CTNND2: variants seen among roughly 807,000 people sequenced by gnomAD.
The protein encoded by CTNND2 is catenin delta-2.
CTNND2 carries 22 observed loss-of-function variants against 144.4 expected under a neutral mutation model. The ratio of observed to expected loss-of-function variants is 0.15; its 90% CI spans 0.11 to 0.22. CTNND2 has a LOEUF of 0.22. CTNND2 is among the 10% of genes least tolerant of loss of function. The pLI, the probability that CTNND2 is intolerant of heterozygous loss-of-function variation, is 1.00. For synonymous variants in CTNND2, 751 were observed against 695.6 expected (o/e 1.08, Z -1.25); for missense variants, 1,353 against 1,618.8 (o/e 0.84, Z 2.82).
chr5:11,078,237 A>G (rs760315473), intron 16 of CTNND2, among the ~76,000 whole-genome samples: 8 of 152,232 alleles, frequency 5.3e-5, no homozygotes, highest in African/African-American at 1.9e-4. Flanking sequence ...TTCTGTGTAT[A>G]AAGTTCTGTA....
At chr5:11,232,110 G>A (rs1741091438) in intron 10 of CTNND2, among the ~76,000 whole-genome samples, 1 of 152,266 alleles carries the variant, frequency 6.6e-6, no homozygotes, top group Admixed American at 6.5e-5. Flanking sequence ...CAGGATGTGT[G>A]GAAACACCCT....
chr5:11,608,300 C>A (rs1340116585), intron 2 of CTNND2, among the ~76,000 whole-genome samples: 1 of 152,186 alleles, frequency 6.6e-6, no homozygotes, highest in Non-Finnish European at 1.5e-5. Context: ...ATCTCCAACT[C>A]TGCCCTCCCC....
chr5:11,134,149 G>T (rs970508978), intron 12 of CTNND2, among the ~76,000 whole-genome samples: 1 of 152,178 alleles, frequency 6.6e-6, no homozygotes, highest in South Asian at 2.1e-4. Flanking sequence ...GAGAAAGGGG[G>T]AAAGATAGAG....
chr5:11,119,313 A>AT (rs1476538941), intron 12 of CTNND2, among the ~76,000 whole-genome samples: 2 of 152,262 alleles, frequency 1.3e-5, no homozygotes, highest in South Asian at 4.1e-4. Context: ...TATCAGCAGC[A>AT]TTTTTGTGTA....
intron 3 of CTNND2, among the ~76,000 whole-genome samples, chr5:11,460,711 A>G (rs1483918384): frequency 1.3e-5 from 2 of 152,072 alleles, no homozygotes; most frequent in Non-Finnish European, 2.9e-5. Context: ...TTCTCCCTGG[A>G]GTGCTCTGCT....
At chr5:10,984,215 C>T (rs1313308290) in intron 20 of CTNND2, among the ~76,000 whole-genome samples, 1 of 152,188 alleles carries the variant, frequency 6.6e-6, no homozygotes, top group Non-Finnish European at 1.5e-5. Flanking sequence ...AACAGTCTGT[C>T]CTGCTGCTAC....
intron 3 of CTNND2, among the ~76,000 whole-genome samples, chr5:11,555,378 G>A (rs1776135851): frequency 6.6e-6 from 1 of 152,110 alleles, no homozygotes; most frequent in Non-Finnish European, 1.5e-5. Context: ...ATATAGACAT[G>A]GCTCAGTAGA....
intron 10 of CTNND2, among the ~76,000 whole-genome samples, chr5:11,230,348 C>T (rs1306928434): frequency 9.5e-6 from 1 of 105,368 alleles, no homozygotes; most frequent in African/African-American, 4.0e-5. Flanking sequence ...GCACATGTAC[C>T]CTAAAACTTA....
chr5:11,866,456 T>C (rs962789257), intron 1 of CTNND2, among the ~76,000 whole-genome samples: 2 of 152,326 alleles, frequency 1.3e-5, no homozygotes, highest in Admixed American at 1.3e-4. Context: ...CTGAGCAGGA[T>C]GTTCAAATCT....
chr5:11,510,218 AG>A (rs1268166695), intron 3 of CTNND2, among the ~76,000 whole-genome samples: 23 of 152,310 alleles, frequency 1.5e-4, no homozygotes, highest in African/African-American at 5.5e-4. Flanking sequence ...TTGGGATTAC[AG>A]GAATGAGCCA....
chr5:11,028,046 C>T (rs1743045375), intron 16 of CTNND2, among the ~76,000 whole-genome samples: 1 of 152,330 alleles, frequency 6.6e-6, no homozygotes, highest in East Asian at 1.9e-4. Flanking sequence ...TAAAGACCTG[C>T]ATTCTCTAAG....
intron 21 of CTNND2, among the ~76,000 whole-genome samples, chr5:10,974,385 T>C (rs1329178437): frequency 3.3e-5 from 5 of 152,218 alleles, no homozygotes; most frequent in African/African-American, 9.6e-5. Context: ...ACCCCCATGA[T>C]TGTATATATA....
chr5:11,341,786 T>C (rs1273513123), intron 9 of CTNND2, among the ~76,000 whole-genome samples: 2 of 152,134 alleles, frequency 1.3e-5, no homozygotes, highest in African/African-American at 4.8e-5. Context: ...GGCAGGAGGA[T>C]CACTTGAGTC....
chr5:11,227,546 T>C (rs138151982), intron 10 of CTNND2, among the ~76,000 whole-genome samples: 1 of 152,190 alleles, frequency 6.6e-6, no homozygotes, highest in Admixed American at 6.5e-5. Flanking sequence ...ACTGAAAAGA[T>C]GAATAGCACA....
intron 3 of CTNND2, among the ~76,000 whole-genome samples, chr5:11,414,011 C>A (rs1168026419): frequency 4.6e-5 from 7 of 152,110 alleles, no homozygotes; most frequent in Admixed American, 4.6e-4. Flanking sequence ...AGTTAATAAT[C>A]TTCAGATGAG....
chr5:11,340,045 CT>C (rs1025240042), intron 9 of CTNND2, among the ~76,000 whole-genome samples: 21 of 152,172 alleles, frequency 1.4e-4, no homozygotes, highest in African/African-American at 5.1e-4. Flanking sequence ...GACAGCTGCC[CT>C]CTGTAGCCCA....
intron 9 of CTNND2, among the ~76,000 whole-genome samples, chr5:11,250,485 C>A (rs868273798): frequency 0.037 from 2,500 of 67,114 alleles, 56 homozygotes; most frequent in African/African-American, 0.1. Context: ...CTCTCTCTCT[C>A]TCTCTCTATA....
intron 1 of CTNND2, among the ~76,000 whole-genome samples, chr5:11,780,132 T>C (rs148557496): frequency 1.3e-4 from 20 of 152,272 alleles, no homozygotes; most frequent in African/African-American, 4.8e-4. Context: ...CAGTAGTACA[T>C]TGAAGGCAGG....
At chr5:11,030,754 G>GTTT (rs61312361) in intron 16 of CTNND2, among the ~76,000 whole-genome samples, 7 of 100,770 alleles carry the variant, frequency 6.9e-5, no homozygotes, top group African/African-American at 2.6e-4. Flanking sequence ...TATGGTTTCT[G>GTTT]TTTTTTTTTT....
Sources: allele counts gnomAD v4.1 joint callset (sites outside exome capture counted in the v4.1 genomes callset), GRCh38; gene constraint gnomAD v4.1.1; transcripts MANE v1.5; gene names NCBI Gene and HGNC (gene_info 2026-07-23, HGNC 2026-07-21).